The following IGLL5 variants were observed in gnomAD, a reference collection of about 807,000 sequenced individuals.
The protein encoded by IGLL5 is immunoglobulin lambda-like polypeptide 5.
Under a neutral mutation model 20.9 loss-of-function variants are expected in IGLL5, and 30 were observed. The observed-to-expected ratio is 1.44, with a 90% CI of 1.07 to 1.95. The LOEUF is 1.95. Among genes scored for constraint, IGLL5 ranks in the 30% most tolerant of loss-of-function variants. The probability of loss-of-function intolerance (pLI) is 0.00; values close to 1 mark genes in which losing one functional copy is unlikely to be tolerated. For missense variants in IGLL5, 475 were observed against 270.7 expected (o/e 1.75, Z -5.30); for synonymous variants, 203 against 117.3 (o/e 1.73, Z -4.72).
In IGLL5 at chr22:22,895,658, C is replaced by A; in HGVS notation, c.609C>A (p.Thr203=). The change falls in exon 3 of 3, where the codon ACC becomes ACA. Residue 203 remains threonine, a synonymous_variant. Transcript: ENST00000526893. ...YSCQVTHEGS[T]VEKTVAPTEC... ...GCCAGGTCACGCATGAAGGGAGCAC[C>A]GTGGAGAAGACAGTGGCCCCTACAG... The A allele has an allele frequency of 1.2e-6, 2 of 1,613,252 alleles. No homozygotes were observed. The highest frequency in any genetic ancestry group is 1.7e-6 in the Non-Finnish European group (2 of 1,179,772).
intron 2 of IGLL5, 108 bp downstream of exon 2, chr22:22,893,926 C>G (rs1047942719): frequency 3.8e-5 from 31 of 813,362 alleles, no homozygotes; most frequent in Middle Eastern, 4.5e-4. Context: ...GCCTTAAGCA[C>G]TGACCCTTAC....
chr22:22,889,740 A>C (rs2067748797), intron 1 of IGLL5, among the ~76,000 whole-genome samples: 1 of 151,218 alleles, frequency 6.6e-6, no homozygotes, highest in South Asian at 2.1e-4. Context: ...GATGCAGGCC[A>C]CTACACCTGG....
rs546743689 is a variant in IGLL5 at position 22,888,062 on chromosome 22, C to T, written c.9C>T (p.Pro3=). Residue 3 remains proline, a synonymous_variant, in exon 1 of 3, where the codon CCC becomes CCT. Transcript: ENST00000526893. ...CCTGAACCTGAAGGCCAATGAGACC[C>T]AAGACAGGCCAAGTGGGTTGTGAGA... MR[P]KTGQVGCETP... 1.9e-6 allele frequency: 3 copies of T among 1,549,208 alleles called. No homozygotes were observed. Among genetic ancestry groups the T allele is most frequent in the Admixed American group, 2.0e-5 (1 of 50,814 alleles).
chr22:22,890,981 T>A (rs925168532), intron 1 of IGLL5, among the ~76,000 whole-genome samples: 1 of 151,338 alleles, frequency 6.6e-6, no homozygotes, highest in South Asian at 2.1e-4. Flanking sequence ...CATATTGGGA[T>A]ATATTTGGGA....
chr22:22,888,998 A>C (rs2067674420), intron 1 of IGLL5, among the ~76,000 whole-genome samples: 1 of 151,346 alleles, frequency 6.6e-6, no homozygotes, highest in South Asian at 2.1e-4. Flanking sequence ...CTCCTGGGTG[A>C]CTGGGAAGGG....
At chr22:22,894,792 C>T (rs573302761) in intron 2 of IGLL5, among the ~76,000 whole-genome samples, 1 of 151,318 alleles carries the variant, frequency 6.6e-6, no homozygotes, top group Non-Finnish European at 1.5e-5. Context: ...CTCAGAGGAG[C>T]CCTGAGGCTT....
chr22:22,888,662 C>A (rs140112877), intron 1 of IGLL5, among the ~76,000 whole-genome samples: 4 of 151,214 alleles, frequency 2.6e-5, no homozygotes, highest in Middle Eastern at 3.8e-3. Flanking sequence ...GTGCCTCCTG[C>A]CCAGTGAGGG....
At chr22:22,893,068 A>T (rs2067897735) in intron 1 of IGLL5, among the ~76,000 whole-genome samples, 1 of 151,156 alleles carries the variant, frequency 6.6e-6, no homozygotes, top group African/African-American at 2.4e-5. Context: ...CAGCATAAAA[A>T]CAGTACCTGA....
intron 1 of IGLL5, among the ~76,000 whole-genome samples, chr22:22,891,920 T>A (rs1252138181): frequency 6.6e-6 from 1 of 151,182 alleles, no homozygotes; most frequent in African/African-American, 2.4e-5. Context: ...TGTGTGTGTG[T>A]TTGTGTGTTT....
At position 22,888,057 on chromosome 22, in the gene IGLL5, A is replaced by C. The variant is rs754569029; in HGVS notation, c.4A>C (p.Arg2=). ...GTGCCCCTGAACCTGAAGGCCAATG[A>C]GACCCAAGACAGGCCAAGTGGGTTG... is the stretch of plus-strand genomic sequence containing the variant. The part of the protein sequence containing the change: M[R]PKTGQVGCET... Residue 2 remains arginine, a synonymous_variant, in exon 1 of 3, where the codon AGA becomes CGA. Coordinates refer to ENST00000526893, the MANE Select transcript of IGLL5 (RefSeq NM_001178126.2). 1.3e-6 allele frequency: 2 copies of C among 1,549,134 alleles called. No homozygotes were observed. Among genetic ancestry groups the C allele is most frequent in the African/African-American group, 1.4e-5 (1 of 72,908 alleles).
At position 22,894,686 on chromosome 22, in the gene IGLL5, G is replaced by A. The variant is rs1434936282; in HGVS notation, c.326-689G>A. Among the ~76,000 whole-genome samples the A allele has an allele frequency of 4.0e-5, 6 of 151,446 alleles. No homozygotes were observed. In the South Asian group the frequency reaches 6.3e-4, roughly 16 times the overall value. On this transcript the variant is annotated intron_variant, in intron 2 of 2. Coordinates refer to ENST00000526893, the MANE Select transcript of IGLL5 (RefSeq NM_001178126.2). ...ACAGGCTGCTGGGGTGGGCCTGGGGGCTGCTGAGTCTCATAGTCTGTGGGA... is the reference window on the plus strand; with the variant it reads ...ACAGGCTGCTGGGGTGGGCCTGGGGACTGCTGAGTCTCATAGTCTGTGGGA...
At chr22:22,889,370 A>G (rs567390947) in intron 1 of IGLL5, among the ~76,000 whole-genome samples, 2 of 151,226 alleles carry the variant, frequency 1.3e-5, no homozygotes, top group Admixed American at 6.6e-5. Context: ...CCATTTTAGC[A>G]ACAGGCGGCG....
rs185347528 is a variant in IGLL5, at chr22:22,895,718, C to T, written c.*24C>T. On this transcript the variant is annotated 3_prime_UTR_variant, in exon 3 of 3. Coordinates refer to ENST00000526893, the MANE Select transcript of IGLL5 (RefSeq NM_001178126.2). The stretch of plus-strand genomic sequence containing the variant: ...AGGTTCCCAACTCTAACCCCACCCA[C>T]GGGAGCCTGGAGCTGCAGGATCCCA... 563 of 1,610,698 alleles carry T rather than the reference C, an allele frequency of 3.5e-4. No homozygotes were observed. The highest frequency in any genetic ancestry group is 4.2e-4 in the Non-Finnish European group (500 of 1,177,514).
chr22:22,893,975 G>C (rs1194950838), intron 2 of IGLL5, among the ~76,000 whole-genome samples, 157 bp downstream of exon 2: 2 of 151,428 alleles, frequency 1.3e-5, no homozygotes, highest in South Asian at 2.1e-4. Context: ...ATTAGTCTCC[G>C]GGTAACCGGC....
chr22:22,894,633 T>A (rs1008434108), intron 2 of IGLL5, among the ~76,000 whole-genome samples: 2 of 151,090 alleles, frequency 1.3e-5, no homozygotes, highest in Admixed American at 6.6e-5. Context: ...GAGAACTCCA[T>A]GGCTACCAGG....
chr22:22,895,591 G>A lies in IGLL5; in HGVS notation c.542G>A (p.Ser181Asn), dbSNP rs368219996. 3.7e-5 allele frequency: 59 copies of A among 1,613,186 alleles called. No individual in the cohort carries two copies. Among genetic ancestry groups the A allele is most frequent in the Non-Finnish European group, 4.9e-5 (58 of 1,179,786 alleles). Residue 181 changes from serine to asparagine, a missense_variant, in exon 3 of 3, where the codon AGC becomes AAC. Physicochemically the swap from Ser to Asn is conservative, Grantham distance 46. Coordinates refer to ENST00000526893, the MANE Select transcript of IGLL5 (RefSeq NM_001178126.2). ...NNKYAASSYL[S>N]LTPEQWKSHR... ...AAGTACGCGGCCAGCAGCTACCTGA[G>A]CCTGACGCCCGAGCAGTGGAAGTCC...
Position 22,893,957 on chromosome 22 carries a change from G to A in IGLL5, c.325+139G>A, listed in dbSNP as rs573808474. ...CTTACCTTTCTCCATGGGGCCTGGA[G>A]GAGGTGCATTAGTCTCCGGGTAACC... is the stretch of plus-strand genomic sequence containing the variant. On this transcript the variant is annotated intron_variant, in intron 2 of 2. Transcript: ENST00000526893. The A allele has an allele frequency of 5.3e-5, 38 of 711,378 alleles. 3 individuals are homozygous for A. The highest frequency in any genetic ancestry group is 1.2e-4 in the African/African-American group (7 of 57,324). The allele number at this position is 711,378 out of a possible 1,614,324, so 44.1% of individuals were successfully genotyped here. A position where few individuals can be genotyped will look rare whatever the true frequency, so the allele number is the denominator to read the frequency against.
intron 2 of IGLL5, among the ~76,000 whole-genome samples, chr22:22,894,097 G>A (rs2067981430): frequency 2.0e-5 from 3 of 151,470 alleles, no homozygotes; most frequent in African/African-American, 7.3e-5. Context: ...GTCTGAGTGA[G>A]GGACAGAGGC....
At position 22,894,224 on chromosome 22, in the gene IGLL5, A is replaced by G. The variant is rs2068001990; in HGVS notation, c.325+406A>G. On this transcript the variant is annotated intron_variant, in intron 2 of 2. Transcript: ENST00000526893. Reference sequence around the variant, plus strand: ...GCTGCTGAGTCTCATAGTCTAGGGGAGCAGCCCCAAGAACAGCTGAGGGTC... The same window carrying G: ...GCTGCTGAGTCTCATAGTCTAGGGGGGCAGCCCCAAGAACAGCTGAGGGTC... Among the ~76,000 whole-genome samples the G allele has an allele frequency of 4.0e-5, 6 of 151,118 alleles. 1 individual carries two copies. The highest frequency in any genetic ancestry group is 3.8e-3 in the Middle Eastern group (1 of 266).
Sources: gnomAD v4.1 joint callset for allele counts (sites outside exome capture counted in the v4.1 genomes callset) on GRCh38, gnomAD v4.1.1 for gene constraint, MANE v1.5 for transcripts, NCBI Gene and HGNC (gene_info 2026-07-23, HGNC 2026-07-21) for gene names.